STT3B: variants seen among roughly 807,000 people sequenced by gnomAD.
STT3B encodes STT3 oligosaccharyltransferase complex catalytic subunit B.
In STT3B, 29 loss-of-function variants were observed where a neutral mutation model predicts 96.8. The observed-to-expected ratio is 0.30, with a 90% CI of 0.22 to 0.41. The LOEUF (loss-of-function observed/expected upper bound fraction) is 0.41. Among genes scored for constraint, STT3B ranks in the 10% least tolerant of loss-of-function variants. The probability of loss-of-function intolerance (pLI) is 1.00; values close to 1 mark genes in which losing one functional copy is unlikely to be tolerated. For synonymous variants in STT3B, 367 were observed against 360.0 expected, an observed-to-expected ratio of 1.02 and a Z score of -0.22; for missense variants, 640 against 1,022.3, an observed-to-expected ratio of 0.63 and a Z score of 5.10.
chr3:31,612,282 G>A (rs1699199572), intron 5 of STT3B, among the ~76,000 whole-genome samples: 1 of 152,160 alleles, frequency 6.6e-6, no homozygotes, highest in Non-Finnish European at 1.5e-5. Context: ...CCTCCAATAT[G>A]TAAACATCTC....
chr3:31,543,943 G>A (rs1395742110), intron 1 of STT3B, among the ~76,000 whole-genome samples: 2 of 152,102 alleles, frequency 1.3e-5, no homozygotes, highest in Admixed American at 6.6e-5. Context: ...AGTTATGAAA[G>A]TTTTATTATT....
chr3:31,600,653 G>GT (rs1304833422), intron 5 of STT3B, among the ~76,000 whole-genome samples, 194 bp downstream of exon 5: 13 of 150,852 alleles, frequency 8.6e-5, no homozygotes, highest in African/African-American at 2.2e-4. Flanking sequence ...TCCTTGACAA[G>GT]TTTTTTTTTC....
chr3:31,580,145 C>CA (rs768463423), intron 3 of STT3B, 49 bp downstream of exon 3: 10 of 1,567,476 alleles, frequency 6.4e-6, no homozygotes, highest in Non-Finnish European at 7.8e-6. Flanking sequence ...TGACCTTTCT[C>CA]CTGAAACACT....
chr3:31,633,022 G>A lies in STT3B; in HGVS notation c.2275G>A (p.Ala759Thr), dbSNP rs1209676138. The A allele has an allele frequency of 1.2e-6, 2 of 1,614,144 alleles. No individual in the cohort carries two copies. Among genetic ancestry groups the A allele is most frequent in the Admixed American group, 3.3e-5 (2 of 60,024 alleles). The change falls in exon 15 of 16, where the codon GCC becomes ACC. Residue 759 changes from alanine to threonine, a missense_variant. By Grantham distance (58) the Ala-to-Thr change is moderately conservative (BLOSUM62 0). Coordinates refer to ENST00000295770, the MANE Select transcript of STT3B (RefSeq NM_178862.3). ...CATTAAATTCAAACATTTGGAAGAA[G>A]CCTTTACATCAGAACACTGGCTTGT... ...KDIKFKHLEE[A>T]FTSEHWLVRI...
At chr3:31,623,628 A>G in intron 10 of STT3B, 46 bp from the exon 11 acceptor site, 1 of 1,421,710 alleles carries the variant, frequency 7.0e-7, no homozygotes, top group Non-Finnish European at 9.6e-7. Flanking sequence ...TTAATGAAGC[A>G]AGTCAAATAA....
In STT3B at chr3:31,533,140, G is replaced by C; in HGVS notation, c.142G>C (p.Ala48Pro). The C allele has an allele frequency of 7.7e-7, 1 of 1,296,838 alleles. No homozygotes were observed. Among genetic ancestry groups the C allele is most frequent in the Non-Finnish European group, 9.8e-7 (1 of 1,023,152 alleles). 80.3% of individuals were successfully genotyped at this position (1,296,838 alleles called of 1,614,324 possible). The change falls in exon 1 of 16, where the codon GCG becomes CCG. Residue 48 changes from alanine to proline, a missense_variant. By Grantham distance (27) the Ala-to-Pro change is conservative. Around this residue, in one of 8 missense-constraint regions of STT3B, gnomAD observed 89 missense variants for 81.7 expected, o/e 1.09. Coordinates refer to ENST00000295770, the MANE Select transcript of STT3B (RefSeq NM_178862.3). ...GTGCGCGCACAAGGCGGCGGGCGGC[G>C]CGGCGCCGCCGAAGCCGGCCCCGGC... ...AQCAHKAAGG[A>P]APPKPAPAGL...
intron 5 of STT3B, among the ~76,000 whole-genome samples, chr3:31,606,662 G>T (rs1030057813): frequency 6.6e-6 from 1 of 152,218 alleles, no homozygotes; most frequent in African/African-American, 2.4e-5. Context: ...TGCTGGAGAG[G>T]TGGGGCCCTC....
intron 1 of STT3B, among the ~76,000 whole-genome samples, chr3:31,572,660 G>T (rs1698185685): frequency 6.6e-6 from 1 of 152,162 alleles, no homozygotes; most frequent in African/African-American, 2.4e-5. Flanking sequence ...CCAAGAGTTG[G>T]AGACCAGTCT....
chr3:31,635,007 C>A (rs941988272), intron 15 of STT3B, among the ~76,000 whole-genome samples: 1 of 152,134 alleles, frequency 6.6e-6, no homozygotes, highest in Non-Finnish European at 1.5e-5. Flanking sequence ...GTGTTCTCAT[C>A]CCTGTTAGAA....
intron 3 of STT3B, 79 bp downstream of exon 3, chr3:31,580,175 G>A: frequency 7.0e-7 from 1 of 1,420,246 alleles, no homozygotes; most frequent in Non-Finnish European, 9.6e-7. Flanking sequence ...ACGCAGATTT[G>A]TCTTTTACAA....
intron 1 of STT3B, among the ~76,000 whole-genome samples, chr3:31,552,337 C>A (rs1697582092): frequency 6.6e-6 from 1 of 152,122 alleles, no homozygotes; most frequent in Admixed American, 6.5e-5. Context: ...AGTGTGAACC[C>A]AAATAGACAT....
intron 3 of STT3B, among the ~76,000 whole-genome samples, chr3:31,581,366 A>G (rs897412307): frequency 1.3e-4 from 20 of 152,202 alleles, no homozygotes; most frequent in African/African-American, 4.1e-4. Context: ...TAGGTTCATA[A>G]CTATTTTAAT....
chr3:31,538,106 A>G (rs1464158861), intron 1 of STT3B, among the ~76,000 whole-genome samples: 1 of 152,186 alleles, frequency 6.6e-6, no homozygotes, highest in Admixed American at 6.5e-5. Flanking sequence ...GTTGAATTTT[A>G]TAGTGAACAC....
intron 1 of STT3B, among the ~76,000 whole-genome samples, chr3:31,538,337 C>T (rs1697152736): frequency 1.3e-5 from 2 of 152,130 alleles, no homozygotes; most frequent in Admixed American, 1.3e-4. Flanking sequence ...GTTTCAGTAT[C>T]CTCAGAGTGA....
intron 3 of STT3B, 81 bp from the exon 4 acceptor site, chr3:31,596,717 G>A: frequency 9.1e-7 from 1 of 1,094,326 alleles, no homozygotes; most frequent in South Asian, 1.3e-5. Context: ...GTAGCCTGTG[G>A]TTACCAAACA....
intron 1 of STT3B, among the ~76,000 whole-genome samples, chr3:31,534,951 C>A (rs998602829): frequency 6.6e-6 from 1 of 152,022 alleles, no homozygotes; most frequent in Non-Finnish European, 1.5e-5. Flanking sequence ...AATACTTAAG[C>A]AAGTTAGATA....
chr3:31,572,216 TTA>T (rs1364576805), intron 1 of STT3B, among the ~76,000 whole-genome samples: 5 of 144,338 alleles, frequency 3.5e-5, no homozygotes, highest in African/African-American at 7.6e-5. Flanking sequence ...ATATATTATA[TTA>T]TATATATATA....
chr3:31,557,910 G>A (rs1343205040), intron 1 of STT3B, among the ~76,000 whole-genome samples: 6 of 152,332 alleles, frequency 3.9e-5, no homozygotes, highest in South Asian at 4.1e-4. Flanking sequence ...GATTACAGGC[G>A]TGAGCCACTG....
At chr3:31,601,875 C>T (rs1252265092) in intron 5 of STT3B, among the ~76,000 whole-genome samples, 1 of 152,136 alleles carries the variant, frequency 6.6e-6, no homozygotes, top group Non-Finnish European at 1.5e-5. Flanking sequence ...TCTCATTTTA[C>T]AGGTGAGGAA....
Sources: allele counts gnomAD v4.1 joint callset (sites outside exome capture counted in the v4.1 genomes callset), GRCh38; gene constraint gnomAD v4.1.1; regional missense constraint gnomAD v4.1.1; transcripts MANE v1.5; gene names NCBI Gene and HGNC (gene_info 2026-07-23, HGNC 2026-07-21).